NRP1: variants seen among roughly 807,000 people sequenced by gnomAD.
NRP1 encodes the protein neuropilin 1.
Under a neutral mutation model 106.7 loss-of-function variants are expected in NRP1, and 35 were observed. That is an observed-to-expected ratio of 0.33 (90% confidence interval 0.25 to 0.43). NRP1 has a LOEUF of 0.43. Among genes scored for constraint, NRP1 ranks in the 20% least tolerant of loss-of-function variants. The pLI is 1.00. For synonymous variants in NRP1, 437 were observed against 417.9 expected, an observed-to-expected ratio of 1.05 and a Z score of -0.56; for missense variants, 1,024 against 1,170.4, an observed-to-expected ratio of 0.87 and a Z score of 1.83.
In NRP1 at chr10:33,186,332, A is replaced by G; in HGVS notation, c.2219T>C (p.Leu740Pro). The G allele has an allele frequency of 6.2e-7, 1 of 1,614,146 alleles. No individual in the cohort carries two copies. Among genetic ancestry groups the G allele is most frequent in the Non-Finnish European group, 8.5e-7 (1 of 1,180,032 alleles). The change falls in exon 14 of 17, where the codon CTG becomes CCG. Residue 740 changes from leucine to proline, a missense_variant. Around this residue, in one of 5 missense-constraint regions of NRP1, gnomAD observed 562 missense variants for 620.3 expected, o/e 0.91. Transcript: ENST00000374867. ...GTACTCCTCTGGCTTCTGGTAGCGC[A>G]GTTTGACCCTGAGTGTGCCGACGTG... Reference protein sequence around the residue: ...GSHVGTLRVKLRYQKPEEYDQ... With the variant: ...GSHVGTLRVKPRYQKPEEYDQ...
chr10:33,201,304 A>T (rs1301387621), intron 11 of NRP1: 1 of 152,240 alleles, frequency 6.6e-6, no homozygotes, highest in Admixed American at 6.5e-5. Context: ...TGATATGAGG[A>T]GTAAATCTGA....
In NRP1 at chr10:33,187,909, G is replaced by A. The variant is rs533555612; in HGVS notation, c.2063-1421C>T. ...CCTTTCCTTACCTGGTTGCTTATGT[G>A]AGAGCCCGCCCTTCTTCAAACCAAC... On this transcript the variant is annotated intron_variant, in intron 13 of 16. Coordinates refer to ENST00000374867, the MANE Select transcript of NRP1 (RefSeq NM_003873.7). 6.6e-5 allele frequency among the ~76,000 whole-genome samples: 10 copies of A among 152,300 alleles called. 1 individual carries two copies. In the South Asian group the frequency reaches 2.1e-3, roughly 32 times the overall value.
At chr10:33,182,657 T>C (rs769153995) in intron 16 of NRP1, 41 bp downstream of exon 16, 3 of 1,352,028 alleles carry the variant, frequency 2.2e-6, no homozygotes, top group Admixed American at 3.4e-5. Flanking sequence ...ATGAAAGCCA[T>C]AGTAAAATTT....
chr10:33,186,320 T>C lies in NRP1; in HGVS notation c.2231A>G (p.Lys744Arg), dbSNP rs2132596249. 6.2e-7 allele frequency: 1 copy of C among 1,614,150 alleles called. No homozygotes were observed. Among genetic ancestry groups the C allele is most frequent in the East Asian group, 2.2e-5 (1 of 44,874 alleles). ...GACCAGCTGATCGTACTCCTCTGGC[T>C]TCTGGTAGCGCAGTTTGACCCTGAG... ...GTLRVKLRYQ[K>R]PEEYDQLVWM... Residue 744 changes from lysine (K) to arginine (R), a missense_variant, in exon 14 of 17, where the codon AAG (lysine) becomes AGG (arginine). Physicochemically the swap from Lys to Arg is conservative, Grantham distance 26 (BLOSUM62 2). Transcript: ENST00000374867.
intron 16 of NRP1, 26 bp from the exon 17 acceptor site, chr10:33,180,391 C>G: frequency 1.9e-6 from 3 of 1,548,720 alleles, no homozygotes; most frequent in Non-Finnish European, 2.6e-6. Flanking sequence ...ATATTGTCTC[C>G]GTGAGCACCG....
chr10:33,303,205 G>T (rs1845925620), intron 2 of NRP1, among the ~76,000 whole-genome samples: 1 of 152,146 alleles, frequency 6.6e-6, no homozygotes, highest in Admixed American at 6.5e-5. Flanking sequence ...TGGGTGAGTA[G>T]ATCAAAGTGT....
chr10:33,199,445 C>T (rs1279762333), intron 11 of NRP1, among the ~76,000 whole-genome samples: 1 of 111,370 alleles, frequency 9.0e-6, no homozygotes, highest in African/African-American at 3.5e-5. Flanking sequence ...ATCTCACTGT[C>T]TGGCCCAGGC....
At chr10:33,262,868 T>A (rs574782808) in intron 4 of NRP1, among the ~76,000 whole-genome samples, 2 of 152,346 alleles carry the variant, frequency 1.3e-5, no homozygotes, top group East Asian at 3.9e-4. Flanking sequence ...TTCATGCACA[T>A]AATTCATTTA....
At position 33,221,849 on chromosome 10, in the gene NRP1, G is replaced by C. The variant is rs762065562; in HGVS notation, c.1152C>G (p.Asn384Lys). 1 of 1,612,056 alleles carries C rather than the reference G, an allele frequency of 6.2e-7. No individual in the cohort carries two copies. Among genetic ancestry groups the C allele is most frequent in the Admixed American group, 1.7e-5 (1 of 60,002 alleles). ...EGNKPVLFQG[N>K]TNPTDVVVAV... ...CAACCACAACATCTGTGGGGTTGGT[G>C]TTTCCCTGAAAGAGCTGTATGGGGA... Residue 384 changes from asparagine (N) to lysine (K), a missense_variant, in exon 8 of 17, where the codon AAC (asparagine) becomes AAG (lysine). Transcript: ENST00000374867.
At chr10:33,227,555 G>T (rs1839770587) in intron 6 of NRP1, among the ~76,000 whole-genome samples, 1 of 152,166 alleles carries the variant, frequency 6.6e-6, no homozygotes, top group Admixed American at 6.5e-5. Flanking sequence ...TCAGGTGGGG[G>T]AGACTGATGT....
rs747418517 is a variant in NRP1, at chr10:33,226,271, G to T, written c.1000C>A (p.Arg334Ser). The T allele has an allele frequency of 1.1e-5, 17 of 1,614,086 alleles. No homozygotes were observed. Among genetic ancestry groups the T allele is most frequent in the Non-Finnish European group, 1.4e-5 (17 of 1,180,008 alleles). Reference sequence around the variant, plus strand: ...TGTGTCCCGACAGCCGTGACAAAGCGCAGAAGGCCCAAGTCTACCTGCAAG... The same window carrying T: ...TGTGTCCCGACAGCCGTGACAAAGCTCAGAAGGCCCAAGTCTACCTGCAAG... ...EWIQVDLGLL[R>S]FVTAVGTQGA... The change falls in exon 7 of 17, where the codon CGC becomes AGC. Residue 334 changes from arginine (R) to serine (S), a missense_variant. Transcript: ENST00000374867.
At chr10:33,239,494 A>G (rs937722589) in intron 6 of NRP1, among the ~76,000 whole-genome samples, 1 of 152,170 alleles carries the variant, frequency 6.6e-6, no homozygotes, top group African/African-American at 2.4e-5. Flanking sequence ...ACTGACTTAT[A>G]CCCTTAAGCT....
At chr10:33,237,556 T>C (rs1480753347) in intron 6 of NRP1, among the ~76,000 whole-genome samples, 2 of 149,990 alleles carry the variant, frequency 1.3e-5, no homozygotes, top group Non-Finnish European at 1.5e-5. Context: ...ATATTTGCTA[T>C]GATGAATATT....
intron 8 of NRP1, among the ~76,000 whole-genome samples, chr10:33,219,194 A>G (rs1839025615): frequency 6.6e-6 from 1 of 152,212 alleles, no homozygotes; most frequent in African/African-American, 2.4e-5. Flanking sequence ...AGTTTAAGCC[A>G]GGGGTGTTCC....
At position 33,207,561 on chromosome 10, in the gene NRP1, A is replaced by G. The variant is rs761661852; in HGVS notation, c.1759+11T>C. 4 of 1,613,662 alleles carry G rather than the reference A, an allele frequency of 2.5e-6. No homozygotes were observed. Among genetic ancestry groups the G allele is most frequent in the South Asian group, 1.1e-5 (1 of 91,042 alleles). On this transcript the variant is annotated intron_variant, in intron 10 of 16. Coordinates refer to ENST00000374867, the MANE Select transcript of NRP1 (RefSeq NM_003873.7). ...AAACGCATGAGAAGTAACTCTGGAG[A>G]TCATAATTACCTTCCACTTCACAGC...
At chr10:33,198,202 C>T (rs1836945209) in intron 11 of NRP1, among the ~76,000 whole-genome samples, 1 of 146,472 alleles carries the variant, frequency 6.8e-6, no homozygotes, top group Non-Finnish European at 1.5e-5. Flanking sequence ...AATGCAGTGG[C>T]ACAATCTCGG....
At position 33,267,065 on chromosome 10, in the gene NRP1, C is replaced by T. The variant is rs184685004; in HGVS notation, c.431-3192G>A. ...ACACAAAAAACAAAAAAACGTGTAG[C>T]ACCTCCCCTCCCCTCTCTCTTGCTC... is the stretch of plus-strand genomic sequence containing the variant. On this transcript the variant is annotated intron_variant, in intron 3 of 16. Coordinates refer to ENST00000374867, the MANE Select transcript of NRP1 (RefSeq NM_003873.7). Among the ~76,000 whole-genome samples the T allele has an allele frequency of 2.9e-3, 439 of 152,096 alleles. 1 individual carries two copies. The highest frequency in any genetic ancestry group is 5.0e-3 in the Admixed American group (76 of 15,286).
At chr10:33,233,905 C>T (rs1234784047) in intron 6 of NRP1, among the ~76,000 whole-genome samples, 1 of 152,080 alleles carries the variant, frequency 6.6e-6, no homozygotes, top group African/African-American at 2.4e-5. Context: ...TTTTACAGAG[C>T]CTGGGCCTGT....
At chr10:33,209,361 T>G (rs1588727578) in intron 9 of NRP1, among the ~76,000 whole-genome samples, 1 of 152,258 alleles carries the variant, frequency 6.6e-6, no homozygotes, top group African/African-American at 2.4e-5. Context: ...CCCATGGCCA[T>G]ACACACAGCA....
Sources: allele counts gnomAD v4.1 joint callset (sites outside exome capture counted in the v4.1 genomes callset), GRCh38; gene constraint gnomAD v4.1.1; regional missense constraint gnomAD v4.1.1; transcripts MANE v1.5; gene names NCBI Gene and HGNC (gene_info 2026-07-23, HGNC 2026-07-21).